The following MEI1 variants were observed in gnomAD, a reference collection of about 807,000 sequenced individuals.
MEI1 encodes meiosis inhibitor protein 1.
MEI1 carries 103 observed loss-of-function variants against 146.2 expected under a neutral mutation model. The observed-to-expected ratio is 0.70, with a 90% CI of 0.60 to 0.83. The LOEUF (loss-of-function observed/expected upper bound fraction) is 0.83. Ranked by LOEUF, MEI1 falls within the 40% of genes least tolerant of loss-of-function variation. The pLI is 0.00. For synonymous variants in MEI1, 652 were observed against 628.2 expected (o/e 1.04, Z -0.57); for missense variants, 1,529 against 1,533.0 (o/e 1.00, Z 0.04).
intron 6 of MEI1, among the ~76,000 whole-genome samples, chr22:41,722,307 C>T (rs1037959952): frequency 2.0e-5 from 3 of 151,626 alleles, no homozygotes; most frequent in Non-Finnish European, 4.4e-5. Flanking sequence ...ATTTAATTTA[C>T]TTATTTTTAA....
At chr22:41,720,225 A>G (rs959890110) in intron 6 of MEI1, among the ~76,000 whole-genome samples, 2 of 152,066 alleles carry the variant, frequency 1.3e-5, no homozygotes, top group Non-Finnish European at 2.9e-5. Flanking sequence ...AGGCAGAAAC[A>G]CGGGCCAGAG....
At chr22:41,748,045 G>T in intron 14 of MEI1, 62 bp from the exon 15 acceptor site, 2 of 1,122,328 alleles carry the variant, frequency 1.8e-6, no homozygotes, top group Non-Finnish European at 2.7e-6. Context: ...AGTTTTCTCT[G>T]ATGCCTTTTC....
chr22:41,699,709 G>C lies in MEI1; in HGVS notation c.171G>C (p.Val57=), dbSNP rs760024007. 1.3e-6 allele frequency: 2 copies of C among 1,567,714 alleles called. No individual in the cohort carries two copies. Among genetic ancestry groups the C allele is most frequent in the South Asian group, 2.3e-5 (2 of 86,036 alleles). The change falls in exon 1 of 31, where the codon GTG becomes GTC. Residue 57 remains valine (V), a synonymous_variant. Coordinates refer to ENST00000401548, the MANE Select transcript of MEI1 (RefSeq NM_152513.4). ...TGGAGCTGCTGCCGGACCCCGGCGTGTCGGTGCGGGCGGAACCTTTTCTTC... is the reference window on the plus strand; with the variant it reads ...TGGAGCTGCTGCCGGACCCCGGCGTCTCGGTGCGGGCGGAACCTTTTCTTC... The part of the protein sequence containing the change: ...CALELLPDPG[V]SLVRKKHMLS...
At position 41,703,343 on chromosome 22, in the gene MEI1, A is replaced by G; in HGVS notation, c.187A>G (p.Lys63Glu). The change falls in exon 2 of 31, where the codon AAG becomes GAG. Residue 63 changes from lysine (K) to glutamate (E), a missense_variant. Lys to Glu is a moderately conservative substitution (Grantham distance 56). Transcript: ENST00000401548. Reference protein sequence around the residue: ...PDPGVSLVRKKHMLSCFQDAL... With the variant: ...PDPGVSLVRKEHMLSCFQDAL... The stretch of plus-strand genomic sequence containing the variant: ...CATTTGCTTCAAGTTAGTGCGCAAG[A>G]AGCACATGTTGTCCTGCTTCCAAGA... The G allele has an allele frequency of 6.2e-7, 1 of 1,612,680 alleles. No homozygotes were observed. The highest frequency in any genetic ancestry group is 8.5e-7 in the Non-Finnish European group (1 of 1,179,324).
intron 3 of MEI1, among the ~76,000 whole-genome samples, chr22:41,710,033 G>A (rs1459626951): frequency 6.6e-6 from 1 of 152,020 alleles, no homozygotes; most frequent in Non-Finnish European, 1.5e-5. Context: ...GAATGTGAGT[G>A]TCTTTGGGGA....
At position 41,770,979 on chromosome 22, in the gene MEI1, C is replaced by A; in HGVS notation, c.2544+18C>A. Reference sequence around the variant, plus strand: ...TCTTGCTGGTAGGCAACCACTCATTCATTTCTACATTCAGAAATCGTGGGC... The same window carrying A: ...TCTTGCTGGTAGGCAACCACTCATTAATTTCTACATTCAGAAATCGTGGGC... On this transcript the variant is annotated intron_variant, in intron 20 of 30. Transcript: ENST00000401548. 1 of 1,607,798 alleles carries A rather than the reference C, an allele frequency of 6.2e-7. No homozygotes were observed. Among genetic ancestry groups the A allele is most frequent in the Non-Finnish European group, 8.5e-7 (1 of 1,176,352 alleles).
chr22:41,772,804 G>C (rs1008104015), intron 20 of MEI1, among the ~76,000 whole-genome samples: 3 of 152,042 alleles, frequency 2.0e-5, no homozygotes, highest in Non-Finnish European at 4.4e-5. Flanking sequence ...CCATGGCTTT[G>C]TTTGCCTCCT....
rs762023932 is a variant in MEI1 at position 41,746,015 on chromosome 22, C to G, written c.1669C>G (p.Pro557Ala). Residue 557 changes from proline (P) to alanine (A), a missense_variant, in exon 14 of 31, where the codon CCC (proline) becomes GCC (alanine). Pro to Ala is a conservative substitution (Grantham distance 27). Transcript: ENST00000401548. ...CAGTGCCTGTGACTCGCTGTGTATCCCCATGGTGATGGTGGGTTCTCCTGA... is the reference window on the plus strand; with the variant it reads ...CAGTGCCTGTGACTCGCTGTGTATCGCCATGGTGATGGTGGGTTCTCCTGA... ...LLSACDSLCIPMVMRHLEQTT... is the reference protein window; with the variant it reads ...LLSACDSLCIAMVMRHLEQTT... 3 of 1,600,828 alleles carry G rather than the reference C, an allele frequency of 1.9e-6. No homozygotes were observed. In the African/African-American group the frequency reaches 4.0e-5, roughly 21 times the overall value.
chr22:41,709,538 C>T (rs562190547), intron 3 of MEI1: 8 of 554,602 alleles, frequency 1.4e-5, no homozygotes, highest in African/African-American at 5.7e-5. Flanking sequence ...CGGGATGCAG[C>T]GGCACACGGG....
chr22:41,758,921 T>G (rs2074273382), intron 18 of MEI1, among the ~76,000 whole-genome samples: 1 of 152,206 alleles, frequency 6.6e-6, no homozygotes, highest in South Asian at 2.1e-4. Flanking sequence ...GGTGGGCTGA[T>G]CAGTTGAGGT....
intron 7 of MEI1, among the ~76,000 whole-genome samples, chr22:41,725,182 G>A (rs2071215422): frequency 6.6e-6 from 1 of 151,776 alleles, no homozygotes; most frequent in African/African-American, 2.4e-5. Context: ...CGTGATCTTG[G>A]CTCACTACAA....
Position 41,718,182 on chromosome 22 carries a change from T to C in MEI1, c.641T>C (p.Met214Thr), listed in dbSNP as rs745776815. ...TACTCCTCACCAGTGGCAGCTGAGATGCTTTCAGGACACTTCCGTGAGAAG... is the reference window on the plus strand; with the variant it reads ...TACTCCTCACCAGTGGCAGCTGAGACGCTTTCAGGACACTTCCGTGAGAAG... ...KLYSSPVAAE[M>T]LSGHFREKLF... The change falls in exon 6 of 31, where the codon ATG (methionine) becomes ACG (threonine). Residue 214 changes from methionine to threonine, a missense_variant. Met to Thr is a moderately conservative substitution (Grantham distance 81). Coordinates refer to ENST00000401548, the MANE Select transcript of MEI1 (RefSeq NM_152513.4). The C allele has an allele frequency of 4.3e-6, 7 of 1,614,018 alleles. No homozygotes were observed. The highest frequency in any genetic ancestry group is 5.9e-6 in the Non-Finnish European group (7 of 1,179,898).
intron 11 of MEI1, among the ~76,000 whole-genome samples, chr22:41,735,351 C>T (rs2072259309): frequency 1.3e-5 from 2 of 151,356 alleles, no homozygotes; most frequent in South Asian, 4.2e-4. Context: ...CCTCCTGCCA[C>T]AGCCTCCCGA....
chr22:41,721,343 C>G (rs1317613685), intron 6 of MEI1, among the ~76,000 whole-genome samples: 1 of 147,462 alleles, frequency 6.8e-6, no homozygotes, highest in Non-Finnish European at 1.5e-5. Flanking sequence ...CTCCCAGGTT[C>G]AAGCAATTCT....
At chr22:41,794,945 A>G (rs888776663) in intron 28 of MEI1, among the ~76,000 whole-genome samples, 2 of 152,254 alleles carry the variant, frequency 1.3e-5, no homozygotes, top group Non-Finnish European at 2.9e-5. Context: ...TGGATCATCA[A>G]CAAGTACATC....
chr22:41,707,538 A>G (rs567978755), intron 3 of MEI1, among the ~76,000 whole-genome samples: 1 of 152,244 alleles, frequency 6.6e-6, no homozygotes, highest in South Asian at 2.1e-4. Flanking sequence ...AGGCATCTTA[A>G]TTGTGTGGGT....
intron 5 of MEI1, among the ~76,000 whole-genome samples, chr22:41,717,618 C>CTTT (rs386395487): frequency 4.3e-5 from 6 of 138,292 alleles, no homozygotes; most frequent in African/African-American, 1.6e-4. Context: ...TTTTTCTTTT[C>CTTT]TTTTTTTTTT....
Position 41,721,558 on chromosome 22 carries a change from TA to T in MEI1, c.734-2379del, listed in dbSNP as rs945189077. Among the ~76,000 whole-genome samples the T allele has an allele frequency of 9.3e-5, 4 of 42,950 alleles. No individual in the cohort carries two copies. In the African/African-American group the frequency reaches 1.2e-3, roughly 13 times the overall value. The allele number at this position is 42,950 out of a possible 152,430, so 28.2% of individuals were successfully genotyped here. On this transcript the variant is annotated intron_variant, in intron 6 of 30. Transcript: ENST00000401548. ...CGTGCCCAGCCCGTGCCTGGCTAATTAAAAAATTTTTTTTTGTAGAGTCTGG... is the reference window on the plus strand; with the variant it reads ...CGTGCCCAGCCCGTGCCTGGCTAATTAAAAATTTTTTTTTGTAGAGTCTGG...
At chr22:41,701,185 TGCCTCA>T (rs2068700093) in intron 1 of MEI1, among the ~76,000 whole-genome samples, 1 of 152,098 alleles carries the variant, frequency 6.6e-6, no homozygotes, top group Admixed American at 6.5e-5. Flanking sequence ...GTGATCTGCC[TGCCTCA>T]GCCTCCCAAA....
Sources: allele counts gnomAD v4.1 joint callset (sites outside exome capture counted in the v4.1 genomes callset), GRCh38; gene constraint gnomAD v4.1.1; transcripts MANE v1.5; gene names NCBI Gene and HGNC (gene_info 2026-07-23, HGNC 2026-07-21).